Variants in TEC observed in about 807,000 individuals in gnomAD.
TEC encodes the protein tyrosine-protein kinase Tec.
TEC carries 72 observed loss-of-function variants against 93.0 expected under a neutral mutation model. The observed-to-expected ratio is 0.77, with a 90% confidence interval of 0.64 to 0.94. The LOEUF is 0.94. Ranked by LOEUF, TEC falls within the 40% of genes least tolerant of loss-of-function variation. TEC has a pLI of 0.00. For synonymous variants in TEC, 249 were observed against 247.7 expected (o/e 1.01, Z -0.05); for missense variants, 630 against 757.9 (o/e 0.83, Z 1.98).
At chr4:48,197,284 C>T (rs974457310) in intron 2 of TEC, among the ~76,000 whole-genome samples, 4 of 152,204 alleles carry the variant, frequency 2.6e-5, no homozygotes, top group African/African-American at 4.8e-5. Context: ...CACATGCTCA[C>T]TCTGCAACCT....
intron 1 of TEC, among the ~76,000 whole-genome samples, chr4:48,263,551 T>C (rs1190812480): frequency 1.3e-5 from 2 of 152,026 alleles, no homozygotes; most frequent in Non-Finnish European, 2.9e-5. Flanking sequence ...CTGTCTCTAC[T>C]AAAAATACAA....
chr4:48,245,758 C>T (rs765389889), intron 1 of TEC, among the ~76,000 whole-genome samples: 1 of 151,948 alleles, frequency 6.6e-6, no homozygotes, highest in Non-Finnish European at 1.5e-5. Context: ...TATCCTCATT[C>T]CCCGACTTCT....
At chr4:48,246,200 C>A (rs1282119079) in intron 1 of TEC, among the ~76,000 whole-genome samples, 1 of 151,882 alleles carries the variant, frequency 6.6e-6, no homozygotes, top group African/African-American at 2.4e-5. Context: ...AAAAAAAATG[C>A]AGGAACAAAA....
chr4:48,173,181 TCCTGGAATCTGCCTTTCCA>T (rs1721184350), intron 3 of TEC, among the ~76,000 whole-genome samples: 1 of 152,022 alleles, frequency 6.6e-6, no homozygotes, highest in Admixed American at 6.6e-5. Context: ...ACTATTCCCC[TCCTGGAATCTGCCTTTCCA>T]GACTCCAAGC....
intron 2 of TEC, among the ~76,000 whole-genome samples, chr4:48,191,636 T>G (rs1722096115): frequency 6.6e-6 from 1 of 152,218 alleles, no homozygotes; most frequent in African/African-American, 2.4e-5. Flanking sequence ...ATAACTATTT[T>G]TAAAAGTAAT....
intron 1 of TEC, among the ~76,000 whole-genome samples, chr4:48,231,127 G>A (rs1723633513): frequency 6.6e-6 from 1 of 152,134 alleles, no homozygotes; most frequent in Non-Finnish European, 1.5e-5. Flanking sequence ...GAGGAGCCCT[G>A]AGCATCATGA....
chr4:48,239,174 C>A (rs1023831030), intron 1 of TEC, among the ~76,000 whole-genome samples: 2 of 151,754 alleles, frequency 1.3e-5, no homozygotes, highest in African/African-American at 4.8e-5. Flanking sequence ...CAAACTCACA[C>A]GTAAAAGAAG....
intron 9 of TEC, among the ~76,000 whole-genome samples, chr4:48,153,123 T>G: frequency 6.6e-6 from 1 of 152,180 alleles, no homozygotes. Flanking sequence ...TTCAGCACAT[T>G]TATTTCTAAA....
chr4:48,230,003 A>T (rs1723598770), intron 1 of TEC, among the ~76,000 whole-genome samples: 1 of 151,734 alleles, frequency 6.6e-6, no homozygotes, highest in Non-Finnish European at 1.5e-5. Context: ...TGAACCTGGG[A>T]GGTGGAAGTT....
intron 9 of TEC, among the ~76,000 whole-genome samples, chr4:48,152,226 G>GACTA (rs1720201878): frequency 6.6e-6 from 1 of 152,166 alleles, no homozygotes; most frequent in South Asian, 2.1e-4. Context: ...GTGAGTTTAA[G>GACTA]ACTAGCCTGG....
intron 2 of TEC, among the ~76,000 whole-genome samples, chr4:48,217,956 G>C (rs996508903): frequency 7.4e-6 from 1 of 134,406 alleles, no homozygotes; most frequent in South Asian, 2.5e-4. Context: ...GCTTCCTAGA[G>C]AAAAAAAAAA....
intron 14 of TEC, chr4:48,141,652 C>A (rs941124864): frequency 5.3e-5 from 20 of 378,962 alleles, no homozygotes; most frequent in East Asian, 8.7e-5. Flanking sequence ...ATTACATAAT[C>A]TTTACCAATT....
rs1366043814 is a variant in TEC, at chr4:48,177,034, C to T, written c.139-848G>A. 5.9e-5 allele frequency among the ~76,000 whole-genome samples: 9 copies of T among 152,254 alleles called. No homozygotes were observed. The East Asian group carries it at 1.7e-3, about 29-fold the overall frequency. The stretch of plus-strand genomic sequence containing the variant: ...TATTATTAAATATTCTAATTTTCTT[C>T]CCCATTTGCCTGCCCTCCCTGCCTG... On this transcript the variant is annotated intron_variant, in intron 2 of 17. Transcript: ENST00000381501.
intron 2 of TEC, among the ~76,000 whole-genome samples, chr4:48,200,153 G>A (rs1346392934): frequency 6.6e-6 from 1 of 152,142 alleles, no homozygotes; most frequent in South Asian, 2.1e-4. Flanking sequence ...ACCTGAAAGA[G>A]GGGGAGAAGT....
chr4:48,166,919 G>A (rs1720892864), intron 7 of TEC, among the ~76,000 whole-genome samples: 1 of 151,762 alleles, frequency 6.6e-6, no homozygotes, highest in African/African-American at 2.4e-5. Flanking sequence ...AGTGAACTGA[G>A]GAACAGTGAC....
intron 2 of TEC, among the ~76,000 whole-genome samples, chr4:48,203,601 T>G (rs769644112): frequency 6.6e-6 from 1 of 152,062 alleles, no homozygotes; most frequent in Non-Finnish European, 1.5e-5. Context: ...CCACTTTTAG[T>G]CAAAGCTCAC....
Position 48,141,372 on chromosome 4 carries a change from A to C in TEC, c.1518T>G (p.Ser506=), listed in dbSNP as rs745681330. The C allele has an allele frequency of 6.2e-7, 1 of 1,613,922 alleles. No individual in the cohort carries two copies. The highest frequency in any genetic ancestry group is 2.2e-5 in the East Asian group (1 of 44,838). The part of the protein sequence containing the change: ...LVSEAGVVKV[S]DFGMARYVLD... ...GGACATACCTGGCCATTCCAAAATC[A>C]GATACTTTTACAACTCCCGCCTCAC... The change falls in exon 15 of 18, where the codon TCT becomes TCG. Residue 506 remains serine, a synonymous_variant. Transcript: ENST00000381501.
intron 1 of TEC, among the ~76,000 whole-genome samples, chr4:48,240,355 G>A (rs1388788447): frequency 1.3e-5 from 2 of 152,000 alleles, no homozygotes; most frequent in Non-Finnish European, 1.5e-5. Context: ...GAGGGAGGGG[G>A]AAAAAAGCAC....
At chr4:48,176,038 G>A (rs777547890) in intron 3 of TEC, 44 bp downstream of exon 3, 12 of 1,447,958 alleles carry the variant, frequency 8.3e-6, no homozygotes, top group Non-Finnish European at 1.2e-5. Context: ...GAGCAAACAT[G>A]ACTAAGCCCA....
Sources: gnomAD v4.1 joint callset for allele counts (sites outside exome capture counted in the v4.1 genomes callset) on GRCh38, gnomAD v4.1.1 for gene constraint, MANE v1.5 for transcripts, NCBI Gene and HGNC (gene_info 2026-07-23, HGNC 2026-07-21) for gene names.